Variants in ACTL6A observed in about 807,000 individuals in gnomAD.
The protein encoded by ACTL6A is actin like 6A, also known as actin-like protein 6A.
A neutral mutation model predicts 59.2 loss-of-function variants in ACTL6A; 5 were observed. The observed-to-expected ratio is 0.08, with a 90% CI of 0.04 to 0.18. The LOEUF (loss-of-function observed/expected upper bound fraction) is 0.18, where lower values mean the gene tolerates loss of function less well. Among genes scored for constraint, ACTL6A ranks in the 10% least tolerant of loss-of-function variants. ACTL6A has a pLI of 1.00. For missense variants in ACTL6A, 285 were observed against 526.9 expected (o/e 0.54, Z 4.49); for synonymous variants, 154 against 171.8 (o/e 0.90, Z 0.81).
chr3:179,584,727 G>GT (rs1277249502), intron 12 of ACTL6A, among the ~76,000 whole-genome samples: 1 of 152,126 alleles, frequency 6.6e-6, no homozygotes, highest in Admixed American at 6.5e-5. Flanking sequence ...GGAGGTTGCA[G>GT]TAAGCCGAGA....
intron 8 of ACTL6A, among the ~76,000 whole-genome samples, chr3:179,579,467 C>CACACAT (rs1361352690): frequency 6.7e-6 from 1 of 148,722 alleles, no homozygotes; most frequent in Non-Finnish European, 1.5e-5. Flanking sequence ...CACACACACA[C>CACACAT]ACACACACAC....
At chr3:179,578,396 G>T (rs1278641901) in intron 8 of ACTL6A, among the ~76,000 whole-genome samples, 4 of 152,162 alleles carry the variant, frequency 2.6e-5, no homozygotes, top group Non-Finnish European at 5.9e-5. Flanking sequence ...GGATGTTGCA[G>T]TGAGCCAACA....
At chr3:179,580,869 G>A (rs765754722) in intron 9 of ACTL6A, 25 bp from the exon 10 acceptor site, 1 of 1,555,178 alleles carries the variant, frequency 6.4e-7, no homozygotes, top group Non-Finnish European at 8.7e-7. Context: ...TGTCTTTTGT[G>A]TAATACGGTT....
At chr3:179,575,506 T>C in intron 5 of ACTL6A, 1 of 453,044 alleles carries the variant, frequency 2.2e-6, no homozygotes, top group Non-Finnish European at 4.4e-6. Flanking sequence ...TAGTGCCAGG[T>C]GAGCAGCCTC....
rs1393758330 is a variant in ACTL6A at position 179,569,911 on chromosome 3, T to C, written c.102+11T>C. ...GAGGACTGCCCCAAGGTAAGTGTAATGTTAGAGTTAATTGGATATGTAAAG... is the reference window on the plus strand; with the variant it reads ...GAGGACTGCCCCAAGGTAAGTGTAACGTTAGAGTTAATTGGATATGTAAAG... On this transcript the variant is annotated intron_variant, in intron 2 of 13. Coordinates refer to ENST00000429709, the MANE Select transcript of ACTL6A (RefSeq NM_004301.5). 1.2e-6 allele frequency: 2 copies of C among 1,612,428 alleles called. No homozygotes were observed. Among genetic ancestry groups the C allele is most frequent in the Admixed American group, 1.7e-5 (1 of 59,930 alleles).
intron 5 of ACTL6A, chr3:179,575,101 C>A (rs539441169): frequency 3.1e-5 from 8 of 255,478 alleles, no homozygotes; most frequent in Non-Finnish European, 5.4e-5. Flanking sequence ...CCTCAGTCTC[C>A]CAAAGTGCTG....
chr3:179,567,494 C>CT (rs1321099151), intron 1 of ACTL6A, among the ~76,000 whole-genome samples: 1 of 152,232 alleles, frequency 6.6e-6, no homozygotes, highest in Non-Finnish European at 1.5e-5. Context: ...GTCCACAACA[C>CT]TGTCATAAGG....
chr3:179,571,589 A>G (rs1718010332), intron 3 of ACTL6A, among the ~76,000 whole-genome samples: 1 of 152,232 alleles, frequency 6.6e-6, no homozygotes, highest in Non-Finnish European at 1.5e-5. Flanking sequence ...CGACAAAGGG[A>G]AAAGGGACAG....
At chr3:179,564,475 T>G (rs537054454) in intron 1 of ACTL6A, among the ~76,000 whole-genome samples, 1 of 152,330 alleles carries the variant, frequency 6.6e-6, no homozygotes, top group Admixed American at 6.5e-5. Flanking sequence ...ATCCTAGGTT[T>G]TAAACATCCA....
chr3:179,575,426 A>G (rs561543741), intron 5 of ACTL6A: 40 of 456,560 alleles, frequency 8.8e-5, no homozygotes, highest in Middle Eastern at 3.2e-4. Context: ...CTACTTCACT[A>G]AACAGGATAA....
chr3:179,565,170 G>A lies in ACTL6A; in HGVS notation c.25+2053G>A, dbSNP rs571858371. On this transcript the variant is annotated intron_variant, in intron 1 of 13. Transcript: ENST00000429709. ...TTGATAACAATATGTAGAAGGGGCC[G>A]GGTGCGGTGTAATCCCAACACCTTG... Among the ~76,000 whole-genome samples the A allele has an allele frequency of 2.5e-4, 38 of 152,112 alleles. No homozygotes were observed. In the South Asian group the frequency reaches 7.1e-3, roughly 28 times the overall value.
In ACTL6A at chr3:179,563,090, G is replaced by T; in HGVS notation, c.-3G>T. 6.2e-7 allele frequency: 1 copy of T among 1,612,356 alleles called. No individual in the cohort carries two copies. The highest frequency in any genetic ancestry group is 8.5e-7 in the Non-Finnish European group (1 of 1,179,620). On this transcript the variant is annotated 5_prime_UTR_variant, in exon 1 of 14. Transcript: ENST00000429709. ...TAGGGTAGGAGTCGCGCCGGCAGCA[G>T]CCATGAGCGGCGGCGTGTACGGGGG... is the stretch of plus-strand genomic sequence containing the variant.
At chr3:179,586,486 A>C in intron 12 of ACTL6A, 60 bp from the exon 13 acceptor site, 1 of 1,210,718 alleles carries the variant, frequency 8.3e-7, no homozygotes, top group East Asian at 2.8e-5. Flanking sequence ...AAAAAAAAAA[A>C]GAATTTTCTA....
chr3:179,586,416 A>C, intron 12 of ACTL6A, 130 bp from the exon 13 acceptor site: 1 of 660,056 alleles, frequency 1.5e-6, no homozygotes, highest in Non-Finnish European at 2.3e-6. Flanking sequence ...CTTGAGTGCA[A>C]ATGTGAAGAC....
At chr3:179,577,038 T>C (rs916459784) in intron 8 of ACTL6A, 125 bp downstream of exon 8, 5 of 583,722 alleles carry the variant, frequency 8.6e-6, no homozygotes, top group Non-Finnish European at 1.5e-5. Context: ...AAGCTCTTTA[T>C]TTTTTTTATT....
chr3:179,586,019 C>T (rs1718477979), intron 12 of ACTL6A, among the ~76,000 whole-genome samples: 1 of 152,004 alleles, frequency 6.6e-6, no homozygotes, highest in African/African-American at 2.4e-5. Flanking sequence ...GAAAGGGAGA[C>T]AGATTGGGAT....
chr3:179,581,925 A>T (rs1183638958), intron 11 of ACTL6A, among the ~76,000 whole-genome samples: 2 of 152,210 alleles, frequency 1.3e-5, no homozygotes, highest in Non-Finnish European at 2.9e-5. Context: ...GGTCATATTG[A>T]TGACATTAAA....
intron 12 of ACTL6A, among the ~76,000 whole-genome samples, chr3:179,586,278 C>T (rs766177603): frequency 4.0e-5 from 6 of 151,724 alleles, no homozygotes; most frequent in Admixed American, 2.6e-4. Flanking sequence ...TCAAAATTAC[C>T]GTATTTTAAT....
At chr3:179,566,739 G>T (rs1034376368) in intron 1 of ACTL6A, among the ~76,000 whole-genome samples, 2 of 152,086 alleles carry the variant, frequency 1.3e-5, no homozygotes, top group Non-Finnish European at 2.9e-5. Flanking sequence ...ACCCAGGCTG[G>T]AGTGCAGTAG....
Sources: gnomAD v4.1 joint callset for allele counts (sites outside exome capture counted in the v4.1 genomes callset) on GRCh38, gnomAD v4.1.1 for gene constraint, MANE v1.5 for transcripts, NCBI Gene and HGNC (gene_info 2026-07-23, HGNC 2026-07-21) for gene names.